The following AKNA variants were observed in gnomAD, a reference collection of about 807,000 sequenced individuals.
AKNA encodes AT-hook transcription factor, also known as microtubule organization protein AKNA.
AKNA carries 67 observed loss-of-function variants against 138.8 expected under a neutral mutation model. The observed-to-expected ratio is 0.48, with a 90% CI of 0.40 to 0.59. The LOEUF is 0.59. Ranked by LOEUF, AKNA falls within the 20% of genes least tolerant of loss-of-function variation. AKNA has a pLI of 0.00. For missense variants in AKNA, 1,813 were observed against 1,880.4 expected (o/e 0.96, Z 0.66); for synonymous variants, 737 against 754.4 (o/e 0.98, Z 0.38).
chr9:114,342,171 A>C, intron 19 of AKNA, 46 bp from the exon 20 acceptor site: 1 of 1,413,448 alleles, frequency 7.1e-7, no homozygotes, highest in Non-Finnish European at 9.6e-7. Context: ...CATCTAAATC[A>C]TCAGATCAGG....
intron 1 of AKNA, among the ~76,000 whole-genome samples, chr9:114,385,616 C>T (rs1280341058): frequency 6.6e-6 from 1 of 152,216 alleles, no homozygotes; most frequent in Non-Finnish European, 1.5e-5. Flanking sequence ...ATGACTCAGT[C>T]GTGGCAGAAA....
intron 1 of AKNA, among the ~76,000 whole-genome samples, chr9:114,394,175 T>TA (rs35340604): frequency 0.44 from 64,357 of 147,116 alleles, 14,024 homozygotes; most frequent in Middle Eastern, 0.53. Flanking sequence ...CTGTCTCAAT[T>TA]AAAAAAAAAA....
chr9:114,347,962 C>T (rs777056629), intron 15 of AKNA, 62 bp from the exon 16 acceptor site: 1,224 of 1,514,218 alleles, frequency 8.1e-4, no homozygotes, highest in Non-Finnish European at 9.8e-4. Flanking sequence ...CTGCAGCCAC[C>T]CGAGTATGCC....
intron 6 of AKNA, among the ~76,000 whole-genome samples, 182 bp from the exon 7 acceptor site, chr9:114,364,801 C>T (rs1212480347): frequency 6.6e-6 from 1 of 152,134 alleles, no homozygotes; most frequent in Non-Finnish European, 1.5e-5. Flanking sequence ...GCATGGTAGC[C>T]TTGAGAAAAA....
Position 114,377,070 on chromosome 9 carries a change from GGGCTTAGGAGGTGGT to G in AKNA, c.722_736del (p.His241_Ser245del). On this transcript the variant is annotated inframe_deletion, in exon 3 of 22. Transcript: ENST00000374088. ...AACACTGCCTCCAGTTCTGCCATCT[GGGCTTAGGAGGTGGT>G]GGCTGGGGCCCTCTGGCAAGGTTTC... 6.2e-7 allele frequency: 1 copy of G among 1,614,136 alleles called. No homozygotes were observed. Among genetic ancestry groups the G allele is most frequent in the Non-Finnish European group, 8.5e-7 (1 of 1,180,006 alleles).
intron 1 of AKNA, among the ~76,000 whole-genome samples, chr9:114,393,323 C>A (rs1166293916): frequency 6.6e-6 from 1 of 150,712 alleles, no homozygotes; most frequent in East Asian, 2.0e-4. Flanking sequence ...TCATGCCATT[C>A]TCCTGCCTCA....
chr9:114,343,272 T>G (rs557035612), intron 19 of AKNA, among the ~76,000 whole-genome samples: 5 of 152,126 alleles, frequency 3.3e-5, no homozygotes, highest in Admixed American at 6.6e-5. Flanking sequence ...GTGACTGAGG[T>G]ACAGAGAAGT....
At chr9:114,361,076 C>A (rs564454823) in intron 9 of AKNA, among the ~76,000 whole-genome samples, 6 of 152,188 alleles carry the variant, frequency 3.9e-5, no homozygotes, top group Non-Finnish European at 7.3e-5. Context: ...CTCAGACTGG[C>A]CTACCCACAA....
upstream of AKNA, among the ~76,000 whole-genome samples, chr9:114,389,703 TC>T (rs1358901596): frequency 6.6e-6 from 1 of 152,234 alleles, no homozygotes; most frequent in Non-Finnish European, 1.5e-5. Context: ...GTCTCTGGTC[TC>T]CTCTAAAGGC....
intron 21 of AKNA, among the ~76,000 whole-genome samples, chr9:114,339,083 A>G (rs1315002397): frequency 6.6e-6 from 1 of 152,226 alleles, no homozygotes; most frequent in Non-Finnish European, 1.5e-5. Context: ...AACCCGCTGT[A>G]AAGTCGAAAA....
chr9:114,337,017 A>T lies in AKNA; in HGVS notation c.*37T>A. On this transcript the variant is annotated 3_prime_UTR_variant, in exon 22 of 22. Coordinates refer to ENST00000374088, the MANE Select transcript of AKNA (RefSeq NM_001317950.2). Reference sequence around the variant, plus strand: ...TCCTGGCCTGGCAGGCCACCTGCCCACCCACCCACCCATCTGCCTCTGGGC... The same window carrying T: ...TCCTGGCCTGGCAGGCCACCTGCCCTCCCACCCACCCATCTGCCTCTGGGC... 7.3e-6 allele frequency: 1 copy of T among 137,292 alleles called. No homozygotes were observed. The highest frequency in any genetic ancestry group is 2.3e-4 in the East Asian group (1 of 4,314). The allele number at this position is 137,292 out of a possible 1,614,324, so 8.5% of individuals were successfully genotyped here.
upstream of AKNA, among the ~76,000 whole-genome samples, chr9:114,392,862 C>T (rs79279054): frequency 8.2e-3 from 1,248 of 152,306 alleles, 15 homozygotes; most frequent in African/African-American, 0.026. Flanking sequence ...GAAACTCTGT[C>T]CTCACTCTGA....
Position 114,376,723 on chromosome 9 carries a change from A to C in AKNA, c.1084T>G (p.Ser362Ala). ...GQLNYPLPDF[S>A]KVGPRVRFPK... is the part of the protein sequence containing the mutation. ...AATCTCACCCGGGGCCCTACCTTGG[A>C]GAAATCAGGGAGTGGGTAGTTCAAC... is the stretch of plus-strand genomic sequence containing the variant. Residue 362 changes from serine to alanine, a missense_variant, in exon 3 of 22, where the codon TCC becomes GCC. Physicochemically the swap from Ser to Ala is moderately conservative, Grantham distance 99. Coordinates refer to ENST00000374088, the MANE Select transcript of AKNA (RefSeq NM_001317950.2). 6.2e-7 allele frequency: 1 copy of C among 1,612,642 alleles called. No homozygotes were observed. The highest frequency in any genetic ancestry group is 8.5e-7 in the Non-Finnish European group (1 of 1,179,356).
downstream of AKNA, chr9:114,330,673 G>A: frequency 2.5e-6 from 4 of 1,599,994 alleles, no homozygotes; most frequent in Non-Finnish European, 3.4e-6. Context: ...TCCCATGGGT[G>A]GAACCGGGAG....
chr9:114,394,674 T>C (rs1429036900), upstream of AKNA, among the ~76,000 whole-genome samples: 5 of 152,160 alleles, frequency 3.3e-5, no homozygotes. Context: ...CATAAATAAT[T>C]AGGCATTTAA....
upstream of AKNA, among the ~76,000 whole-genome samples, chr9:114,397,024 C>T (rs1834555099): frequency 6.6e-6 from 1 of 152,188 alleles, no homozygotes; most frequent in Non-Finnish European, 1.5e-5. Flanking sequence ...CCTATCCTAG[C>T]GCCTCTGGCA....
chr9:114,376,046 C>T (rs1833152973), intron 3 of AKNA: 2 of 448,982 alleles, frequency 4.5e-6, no homozygotes, highest in South Asian at 3.1e-5. Flanking sequence ...GGCTCTCCAC[C>T]TCAGCCAGCC....
rs1408996786 is a variant in AKNA at position 114,381,407 on chromosome 9, A to G, written c.-74T>C. 5 of 1,451,866 alleles carry G rather than the reference A, an allele frequency of 3.4e-6. No individual in the cohort carries two copies. Among genetic ancestry groups the G allele is most frequent in the Non-Finnish European group, 4.5e-6 (5 of 1,106,324 alleles). 89.9% of individuals were successfully genotyped at this position (1,451,866 alleles called of 1,614,324 possible). ...AGCTGCTGCCAGGGGCCCCAGAGTC[A>G]CCGCTGGTTCCTGTCAGCATCGGCC... On this transcript the variant is annotated 5_prime_UTR_variant, in exon 2 of 22. It removes the in-frame stop codon of an upstream open reading frame in the 5' UTR. Coordinates refer to ENST00000374088, the MANE Select transcript of AKNA (RefSeq NM_001317950.2).
chr9:114,337,013 G>GGGCCCCCCCCCCCCCC lies in AKNA; in HGVS notation c.*40_*41insGGGGGGGGGGGGGGCC. ...CCACTCCTGGCCTGGCAGGCCACCT[G>GGGCCCCCCCCCCCCCC]CCCACCCACCCACCCATCTGCCTCT... On this transcript the variant is annotated 3_prime_UTR_variant, in exon 22 of 22. Coordinates refer to ENST00000374088, the MANE Select transcript of AKNA (RefSeq NM_001317950.2). 8.4e-7 allele frequency: 1 copy of GGGCCCCCCCCCCCCCC among 1,185,370 alleles called. No individual in the cohort carries two copies. The allele number at this position is 1,185,370 out of a possible 1,614,324, so 73.4% of individuals were successfully genotyped here.
Sources: gnomAD v4.1 joint callset for allele counts (sites outside exome capture counted in the v4.1 genomes callset) on GRCh38, gnomAD v4.1.1 for gene constraint, MANE v1.5 for transcripts, NCBI Gene and HGNC (gene_info 2026-07-23, HGNC 2026-07-21) for gene names.